Variants in PCDH11X observed in about 807,000 individuals in gnomAD.
The protein encoded by PCDH11X is protocadherin 11 X-linked.
PCDH11X carries 18 observed loss-of-function variants against 53.3 expected under a neutral mutation model. The ratio of observed to expected loss-of-function variants is 0.34; its 90% confidence interval spans 0.23 to 0.50. The LOEUF is 0.50. PCDH11X is among the 20% of genes least tolerant of loss of function. The probability of loss-of-function intolerance (pLI) is 0.98; values close to 1 mark genes in which losing one functional copy is unlikely to be tolerated. For synonymous variants in PCDH11X, 279 were observed against 393.3 expected (o/e 0.71, Z 3.44); for missense variants, 570 against 1,032.4 (o/e 0.55, Z 6.14).
intron 6 of PCDH11X, among the ~76,000 whole-genome samples, chrX:92,082,869 G>A (rs1020067640): frequency 3.1e-5 from 3 of 95,628 alleles, no homozygotes; most frequent in Non-Finnish European, 6.8e-5. Context: ...AAAAAAATAA[G>A]TATTAATTCT....
rs148373425 is a variant in PCDH11X at position 92,516,500 on chromosome X, A to G, written c.3367+48178A>G. Among the ~76,000 whole-genome samples the G allele has an allele frequency of 1.6e-3, 185 of 112,228 alleles. 5 individuals carry two copies. The East Asian group carries it at 0.044, about 27-fold the overall frequency. On this transcript the variant is annotated intron_variant, in intron 10 of 10. Transcript: ENST00000682573. The stretch of plus-strand genomic sequence containing the variant: ...AAAAGTATTTTGAAAAATGCTTTCT[A>G]GTTCACATAGTTTAGCAACAACAAA...
At chrX:91,907,840 G>A (rs1483996908) in intron 6 of PCDH11X, among the ~76,000 whole-genome samples, 2 of 111,063 alleles carry the variant, frequency 1.8e-5, no homozygotes, top group African/African-American at 6.6e-5. Flanking sequence ...GTGTTCATGT[G>A]CTCTCATCAT....
intron 8 of PCDH11X, among the ~76,000 whole-genome samples, chrX:92,363,713 A>G (rs1203726511): frequency 9.0e-6 from 1 of 111,367 alleles, no homozygotes; most frequent in African/African-American, 3.3e-5. Flanking sequence ...TGGTGGAAGC[A>G]GTTATCCTTA....
At chrX:91,900,885 G>A (rs1398053752) in intron 6 of PCDH11X, among the ~76,000 whole-genome samples, 1 of 111,564 alleles carries the variant, frequency 9.0e-6, no homozygotes, top group Non-Finnish European at 1.9e-5. Flanking sequence ...AACTGAGACA[G>A]CTTTCAGTGG....
chrX:92,271,487 C>T (rs1018129169), intron 8 of PCDH11X, among the ~76,000 whole-genome samples: 3 of 111,750 alleles, frequency 2.7e-5, no homozygotes, highest in African/African-American at 9.8e-5. Flanking sequence ...TCAAAGGTCC[C>T]GTTACAGATT....
chrX:92,056,592 A>G (rs1205534198), intron 6 of PCDH11X, among the ~76,000 whole-genome samples: 1 of 110,448 alleles, frequency 9.1e-6, no homozygotes, highest in African/African-American at 3.3e-5. Flanking sequence ...CATCTTTGTC[A>G]TGCAATCTTT....
intron 1 of PCDH11X, among the ~76,000 whole-genome samples, chrX:91,788,392 A>G (rs949016101): frequency 8.9e-6 from 1 of 112,490 alleles, no homozygotes; most frequent in Non-Finnish European, 1.9e-5. Context: ...GGATTCAAGT[A>G]TCAATGCATT....
chrX:92,488,222 G>T (rs1200267490), intron 10 of PCDH11X, among the ~76,000 whole-genome samples: 1 of 110,066 alleles, frequency 9.1e-6, no homozygotes, highest in Non-Finnish European at 1.9e-5. Context: ...CAGGAGGACT[G>T]TATACTTGGG....
At chrX:92,437,000 T>C (rs2072394484) in intron 9 of PCDH11X, among the ~76,000 whole-genome samples, 1 of 109,126 alleles carries the variant, frequency 9.2e-6, no homozygotes, top group African/African-American at 3.3e-5. Context: ...AAGAATGTAA[T>C]TTGATTGTTT....
rs1939638842 is a variant in PCDH11X, at chrX:91,876,795, T to C, written c.555T>C (p.Phe185=). The C allele has an allele frequency of 8.3e-7, 1 of 1,206,604 alleles. No individual in the cohort carries two copies. The highest frequency in any genetic ancestry group is 1.1e-6 in the Non-Finnish European group (1 of 893,868). ...NYELIKSQNI[F]GLDVIETPEG... The stretch of plus-strand genomic sequence containing the variant: ...ATGTTTTCCAGAGTCAAAACATTTT[T>C]GGCCTCGATGTCATTGAAACACCAG... Residue 185 remains phenylalanine (F), a synonymous_variant, in exon 6 of 11, where the codon TTT becomes TTC. Transcript: ENST00000682573.
chrX:92,342,625 C>T (rs2069790800), intron 8 of PCDH11X, among the ~76,000 whole-genome samples: 1 of 111,611 alleles, frequency 9.0e-6, no homozygotes, highest in Non-Finnish European at 1.9e-5. Flanking sequence ...ACTGCATGTT[C>T]TCACTTATAA....
chrX:92,494,189 G>T (rs1169239587), intron 10 of PCDH11X, among the ~76,000 whole-genome samples: 1 of 109,993 alleles, frequency 9.1e-6, no homozygotes, highest in East Asian at 2.9e-4. Flanking sequence ...AACAAAATCA[G>T]AGTGCAATTA....
chrX:91,851,790 A>C (rs934931398), intron 5 of PCDH11X, among the ~76,000 whole-genome samples: 1 of 111,033 alleles, frequency 9.0e-6, no homozygotes, highest in African/African-American at 3.3e-5. Context: ...GATTTTTATC[A>C]CCTCTATTTT....
At chrX:92,569,394 C>A (rs1268024263) in intron 10 of PCDH11X, among the ~76,000 whole-genome samples, 1 of 108,571 alleles carries the variant, frequency 9.2e-6, no homozygotes, top group Non-Finnish European at 1.9e-5. Context: ...TGTCATTAAT[C>A]CTTTATTAAG....
At position 92,397,468 on chromosome X, in the gene PCDH11X, AT is replaced by A. The variant is rs748075744; in HGVS notation, c.3343+9547del. On this transcript the variant is annotated intron_variant, in intron 9 of 10. Coordinates refer to ENST00000682573, the MANE Select transcript of PCDH11X (RefSeq NM_032968.5). ...TAAATTTGATTTGAAGAAGGAGTCA[AT>A]TTTTTTTTTTTGGGTGGGGGGACGG... Among the ~76,000 whole-genome samples the A allele has an allele frequency of 8.7e-3, 893 of 102,824 alleles. 14 individuals carry two copies. Among genetic ancestry groups the A allele is most frequent in the African/African-American group, 0.029 (817 of 28,523 alleles). 89.3% of individuals were successfully genotyped at this position (102,824 alleles called of 115,157 possible).
chrX:92,536,201 G>A (rs1161905087), intron 10 of PCDH11X, among the ~76,000 whole-genome samples: 1 of 110,843 alleles, frequency 9.0e-6, no homozygotes, highest in African/African-American at 3.3e-5. Context: ...TAGTACTTAC[G>A]ATTGCATTAT....
At chrX:91,958,121 G>T (rs1251720927) in intron 6 of PCDH11X, among the ~76,000 whole-genome samples, 5 of 111,386 alleles carry the variant, frequency 4.5e-5, no homozygotes, top group Non-Finnish European at 7.5e-5. Flanking sequence ...TCCACAGGGG[G>T]CAGGCTGGAA....
At chrX:92,107,196 C>G (rs955495098) in intron 6 of PCDH11X, among the ~76,000 whole-genome samples, 5 of 111,355 alleles carry the variant, frequency 4.5e-5, no homozygotes, top group African/African-American at 1.6e-4. Flanking sequence ...CAATGTAAAT[C>G]TTACATGTGT....
chrX:91,934,320 T>A (rs1486488851), intron 6 of PCDH11X, among the ~76,000 whole-genome samples: 2 of 111,488 alleles, frequency 1.8e-5, no homozygotes, highest in African/African-American at 6.5e-5. Context: ...AGGCTTGGGT[T>A]GGAATAGCAC....
Sources: gnomAD v4.1 joint callset for allele counts (sites outside exome capture counted in the v4.1 genomes callset) on GRCh38, gnomAD v4.1.1 for gene constraint, MANE v1.5 for transcripts, NCBI Gene and HGNC (gene_info 2026-07-23, HGNC 2026-07-21) for gene names.